TCERG1L: variants seen among roughly 807,000 people sequenced by gnomAD.
TCERG1L encodes the protein transcription elongation regulator 1-like protein.
In TCERG1L, 37 loss-of-function variants were observed where a neutral mutation model predicts 56.3. That is an observed-to-expected ratio of 0.66 (90% confidence interval 0.51 to 0.87). The LOEUF is 0.87. Among genes scored for constraint, TCERG1L ranks in the 40% least tolerant of loss-of-function variants. The pLI is 0.00. For missense variants in TCERG1L, 799 were observed against 774.2 expected, an observed-to-expected ratio of 1.03 and a Z score of -0.38; for synonymous variants, 324 against 326.3, an observed-to-expected ratio of 0.99 and a Z score of 0.08.
At chr10:131,196,665 G>A (rs1332406364) in intron 4 of TCERG1L, among the ~76,000 whole-genome samples, 1 of 152,188 alleles carries the variant, frequency 6.6e-6, no homozygotes, top group Non-Finnish European at 1.5e-5. Flanking sequence ...GCACACCTGG[G>A]GCTGCGGCCC....
chr10:131,157,214 A>G, intron 6 of TCERG1L, among the ~76,000 whole-genome samples: 1 of 152,192 alleles, frequency 6.6e-6, no homozygotes, highest in East Asian at 1.9e-4. Context: ...GCACTTTCGT[A>G]TCTTTCCAAG....
chr10:131,191,094 TAA>T (rs1490944578), intron 4 of TCERG1L, among the ~76,000 whole-genome samples: 2 of 143,128 alleles, frequency 1.4e-5, no homozygotes, highest in African/African-American at 5.3e-5. Context: ...AAGAATAAAA[TAA>T]AAACTCAGTA....
Position 131,311,615 on chromosome 10 carries a change from G to T in TCERG1L, c.21C>A (p.Phe7Leu). The change falls in exon 1 of 12, where the codon TTC (phenylalanine) becomes TTA (leucine). Residue 7 changes from phenylalanine (F) to leucine (L), a missense_variant. Physicochemically the swap from Phe to Leu is conservative, Grantham distance 22. Transcript: ENST00000368642. This position sits in a 1 kb window ranked among gnomAD's most constrained non-coding sequence, Gnocchi z 4.0. Reference protein sequence around the residue: MQAGARFQRRRRQLQQQ... With the variant: MQAGARLQRRRRQLQQQ... ...GCTGCAGCTGCCGCCGCCGCCGCTGGAACCTGGCGCCCGCCTGCATCCTAC... is the reference window on the plus strand; with the variant it reads ...GCTGCAGCTGCCGCCGCCGCCGCTGTAACCTGGCGCCCGCCTGCATCCTAC... 8.8e-7 allele frequency: 1 copy of T among 1,141,046 alleles called. No individual in the cohort carries two copies. The highest frequency in any genetic ancestry group is 4.2e-5 in the South Asian group (1 of 23,796). The allele number at this position is 1,141,046 out of a possible 1,614,324, so 70.7% of individuals were successfully genotyped here.
intron 3 of TCERG1L, among the ~76,000 whole-genome samples, chr10:131,285,376 A>G (rs1454914936): frequency 6.6e-6 from 1 of 150,526 alleles, no homozygotes; most frequent in African/African-American, 2.5e-5. Flanking sequence ...CTCTGTCAAA[A>G]AAAAAAAGGA....
intron 4 of TCERG1L, among the ~76,000 whole-genome samples, chr10:131,208,712 A>G (rs953162506): frequency 6.6e-6 from 1 of 152,204 alleles, no homozygotes; most frequent in African/African-American, 2.4e-5. Context: ...TGCTGACCCC[A>G]GAAGTGGAGA....
chr10:131,232,465 C>T (rs372362563), intron 4 of TCERG1L, among the ~76,000 whole-genome samples: 2 of 152,370 alleles, frequency 1.3e-5, no homozygotes, highest in East Asian at 1.9e-4. Context: ...TACACGCACA[C>T]GCTCACCTGG....
Position 131,291,814 on chromosome 10 carries a change from G to A in TCERG1L, c.670+16397C>T, listed in dbSNP as rs182996651. On this transcript the variant is annotated intron_variant, in intron 3 of 11. Coordinates refer to ENST00000368642, the MANE Select transcript of TCERG1L (RefSeq NM_174937.4). ...AAAAATTACTTCTCAGAATGTTGTC[G>A]TTTTCTCTGTTTAGATTTCACACAT... is the stretch of plus-strand genomic sequence containing the variant. 5.6e-4 allele frequency among the ~76,000 whole-genome samples: 85 copies of A among 151,434 alleles called. 1 individual carries two copies. The East Asian group carries it at 0.012, about 21-fold the overall frequency.
At chr10:131,291,947 ATAAC>A (rs1846632844) in intron 3 of TCERG1L, among the ~76,000 whole-genome samples, 1 of 152,222 alleles carries the variant, frequency 6.6e-6, no homozygotes, top group African/African-American at 2.4e-5. Context: ...CAGCATCTAA[ATAAC>A]TACTAATATG....
chr10:131,149,936 A>G (rs11017760), intron 6 of TCERG1L, among the ~76,000 whole-genome samples: 30,755 of 152,162 alleles, frequency 0.2, 3,479 homozygotes, highest in East Asian at 0.35. Flanking sequence ...ATGACTGGAC[A>G]GTGGCTGGAA....
chr10:131,123,531 C>G (rs1449670921), intron 8 of TCERG1L, among the ~76,000 whole-genome samples: 1 of 152,142 alleles, frequency 6.6e-6, no homozygotes, highest in Non-Finnish European at 1.5e-5. Context: ...GTGTGGGGGG[C>G]AGTGCTCAGA....
At chr10:131,152,159 C>G (rs184419416) in intron 6 of TCERG1L, among the ~76,000 whole-genome samples, 61 of 152,328 alleles carry the variant, frequency 4.0e-4, no homozygotes, top group African/African-American at 1.1e-3. Context: ...ATTTCTGCAG[C>G]TGGCTTGAAT....
chr10:131,134,513 G>T (rs1466239820), intron 7 of TCERG1L, 65 bp from the exon 8 acceptor site: 1 of 1,260,774 alleles, frequency 7.9e-7, no homozygotes, highest in Non-Finnish European at 1.1e-6. Flanking sequence ...AAAACCACCA[G>T]GTGACACTCA....
In TCERG1L at chr10:131,098,355, C is replaced by G. The variant is rs1333922256; in HGVS notation, c.1555G>C (p.Ala519Pro). 2 of 1,553,188 alleles carry G rather than the reference C, an allele frequency of 1.3e-6. No homozygotes were observed. The highest frequency in any genetic ancestry group is 8.7e-7 in the Non-Finnish European group (1 of 1,147,684). The part of the protein sequence containing the change: ...YKEKKSKLLL[A>P]KEEFKKLLEE... The stretch of plus-strand genomic sequence containing the variant: ...AGAAGTTTCTTGAATTCTTCTTTGG[C>G]TAGCAGCAATTTACTTTTCTTTTCC... The change falls in exon 11 of 12, where the codon GCC (alanine) becomes CCC (proline). Residue 519 changes from alanine (A) to proline (P), a missense_variant. By Grantham distance (27) the Ala-to-Pro change is conservative. Transcript: ENST00000368642.
intron 10 of TCERG1L, among the ~76,000 whole-genome samples, chr10:131,099,627 A>T (rs1845285448): frequency 6.6e-6 from 1 of 152,160 alleles, no homozygotes; most frequent in Non-Finnish European, 1.5e-5. Context: ...AAGGGTGGGC[A>T]GGTGAAAGCC....
chr10:131,145,009 C>A (rs970431288), intron 7 of TCERG1L, among the ~76,000 whole-genome samples: 1 of 152,222 alleles, frequency 6.6e-6, no homozygotes. Context: ...AGCAACTATG[C>A]ATTGCCTTTA....
At chr10:131,160,228 T>A (rs1233538551) in intron 6 of TCERG1L, among the ~76,000 whole-genome samples, 1 of 152,106 alleles carries the variant, frequency 6.6e-6, no homozygotes, top group Non-Finnish European at 1.5e-5. Context: ...TTCCCTCTCA[T>A]CCTCATGCTT....
chr10:131,291,629 T>C (rs1037637146), intron 3 of TCERG1L, among the ~76,000 whole-genome samples: 3 of 151,652 alleles, frequency 2.0e-5, no homozygotes, highest in African/African-American at 7.3e-5. Flanking sequence ...GGTTTCACCG[T>C]GTTAGCCAAG....
At chr10:131,251,195 G>T (rs1846106846) in intron 4 of TCERG1L, among the ~76,000 whole-genome samples, 1 of 152,100 alleles carries the variant, frequency 6.6e-6, no homozygotes, top group South Asian at 2.1e-4. Flanking sequence ...CGTTCCCCTG[G>T]AGCTCTGCCG....
intron 3 of TCERG1L, among the ~76,000 whole-genome samples, chr10:131,304,887 C>T (rs985327669): frequency 6.6e-6 from 1 of 151,980 alleles, no homozygotes; most frequent in South Asian, 2.1e-4. Flanking sequence ...TGACTCACCC[C>T]ACAGGTCTCA....
Sources: allele counts gnomAD v4.1 joint callset (sites outside exome capture counted in the v4.1 genomes callset), GRCh38; gene constraint gnomAD v4.1.1; non-coding constraint Gnocchi (gnomAD v3.1); transcripts MANE v1.5; gene names NCBI Gene and HGNC (gene_info 2026-07-23, HGNC 2026-07-21).